TGDS: variants seen among roughly 807,000 people sequenced by gnomAD.
TGDS encodes UDP-D-glucose 4,6-dehydratase.
Under a neutral mutation model 52.3 loss-of-function variants are expected in TGDS, and 47 were observed. The observed-to-expected ratio is 0.90, with a 90% CI of 0.71 to 1.15. The LOEUF is 1.15. TGDS is among the 50% of genes most tolerant of loss of function. TGDS has a pLI of 0.00. For synonymous variants in TGDS, 115 were observed against 136.9 expected, an observed-to-expected ratio of 0.84 and a Z score of 1.12; for missense variants, 375 against 418.4, an observed-to-expected ratio of 0.90 and a Z score of 0.90.
At chr13:94,586,504 T>C (rs1888988072) in intron 4 of TGDS, among the ~76,000 whole-genome samples, 1 of 152,214 alleles carries the variant, frequency 6.6e-6, no homozygotes, top group Non-Finnish European at 1.5e-5. Flanking sequence ...ACCTAATGGA[T>C]GTGTAAAGAA....
At chr13:94,593,997 TACTC>T (rs1889291711) in intron 1 of TGDS, 90 bp from the exon 2 acceptor site, 3 of 739,228 alleles carry the variant, frequency 4.1e-6, no homozygotes, top group Admixed American at 2.8e-5. Context: ...ACTAGGAAAA[TACTC>T]AAAGATAACT....
intron 6 of TGDS, 130 bp downstream of exon 6, chr13:94,580,961 C>T (rs1594442875): frequency 1.8e-5 from 9 of 502,064 alleles, no homozygotes; most frequent in East Asian, 1.0e-4. Context: ...TGTCAGATTG[C>T]GACTGTCTCC....
intron 4 of TGDS, among the ~76,000 whole-genome samples, chr13:94,586,747 AATT>A (rs150046542): frequency 0.27 from 33,758 of 126,174 alleles, 4,636 homozygotes; most frequent in East Asian, 0.45. Flanking sequence ...GAAGAAATCA[AATT>A]ATTTTTTTTT....
At chr13:94,594,411 G>A (rs758635719) in intron 1 of TGDS, among the ~76,000 whole-genome samples, 1 of 152,112 alleles carries the variant, frequency 6.6e-6, no homozygotes, top group Non-Finnish European at 1.5e-5. Context: ...GAATCCTCAG[G>A]AGGCTTCTAG....
rs932770700 is a variant in TGDS, at chr13:94,577,023, C to T, written c.884+348G>A. Among the ~76,000 whole-genome samples the T allele has an allele frequency of 2.0e-5, 3 of 151,816 alleles. No individual in the cohort carries two copies. In the East Asian group the frequency reaches 5.8e-4, roughly 29 times the overall value. On this transcript the variant is annotated intron_variant, in intron 10 of 11. Transcript: ENST00000261296. ...GGCTGAGGCAGGAGAACTGCTTGAA[C>T]CTGGGAAGGCAGAGATTGCAGTGAG...
At chr13:94,577,860 A>T in intron 9 of TGDS, 145 bp downstream of exon 9, 1 of 785,718 alleles carries the variant, frequency 1.3e-6, no homozygotes, top group Non-Finnish European at 1.9e-6. Context: ...AACTTAATTT[A>T]AGACACATAT....
intron 1 of TGDS, 127 bp downstream of exon 1, chr13:94,595,924 G>A: frequency 9.6e-7 from 1 of 1,040,386 alleles, no homozygotes; most frequent in Non-Finnish European, 1.5e-6. Flanking sequence ...TCGTGCATTA[G>A]GACCCTCCCC....
chr13:94,581,006 A>G (rs1888768720), intron 6 of TGDS, 85 bp downstream of exon 6: 2 of 823,402 alleles, frequency 2.4e-6, no homozygotes, highest in Admixed American at 2.9e-5. Context: ...ATATTTTGAA[A>G]AAAAGAAAAA....
intron 9 of TGDS, among the ~76,000 whole-genome samples, chr13:94,577,736 C>T (rs984163701): frequency 6.6e-6 from 1 of 152,076 alleles, no homozygotes; most frequent in Non-Finnish European, 1.5e-5. Context: ...ATCACTGTTA[C>T]TTGTTTTAAG....
chr13:94,585,371 A>C (rs1437540141), intron 4 of TGDS, among the ~76,000 whole-genome samples: 1 of 152,192 alleles, frequency 6.6e-6, no homozygotes, highest in East Asian at 1.9e-4. Context: ...TTATGTAGAT[A>C]TTCCAGGTAT....
rs546630363 is a variant in TGDS, at chr13:94,578,441, T to C, written c.660-271A>G. 3.3e-5 allele frequency among the ~76,000 whole-genome samples: 5 copies of C among 152,340 alleles called. No individual in the cohort carries two copies. In the South Asian group the frequency reaches 1.0e-3, roughly 32 times the overall value. ...TTTTAAAGAAATATCTACAGTTCTA[T>C]GAATTAAATAAGTCCTTTGAGAAAG... is the stretch of plus-strand genomic sequence containing the variant. On this transcript the variant is annotated intron_variant, in intron 8 of 11. Coordinates refer to ENST00000261296, the MANE Select transcript of TGDS (RefSeq NM_014305.4).
chr13:94,596,214 G>T (rs1426418846), upstream of TGDS: 1 of 1,468,030 alleles, frequency 6.8e-7, no homozygotes, highest in Non-Finnish European at 9.3e-7. Context: ...GACCTTTTGC[G>T]ACGCGCCTCG....
At chr13:94,593,757 C>A (rs1277809358) in intron 2 of TGDS, 84 bp downstream of exon 2, 20 of 997,534 alleles carry the variant, frequency 2.0e-5, no homozygotes, top group Non-Finnish European at 3.1e-5. Flanking sequence ...ATTTAAATAT[C>A]AGCATGACAA....
intron 3 of TGDS, 28 bp from the exon 4 acceptor site, chr13:94,590,971 C>G (rs759786147): frequency 6.6e-7 from 1 of 1,516,164 alleles, no homozygotes; most frequent in Non-Finnish European, 8.9e-7. Context: ...CATGAAAGGG[C>G]CTAGGTTTCA....
Position 94,590,962 on chromosome 13 carries a change from A to G in TGDS, c.223-19T>C. 6.4e-7 allele frequency: 1 copy of G among 1,550,686 alleles called. No individual in the cohort carries two copies. The highest frequency in any genetic ancestry group is 8.7e-7 in the Non-Finnish European group (1 of 1,149,518). ...TGTCACCCTATATGAAAAAGCAAACATGAAAGGGCCTAGGTTTCATACAGC... is the reference window on the plus strand; with the variant it reads ...TGTCACCCTATATGAAAAAGCAAACGTGAAAGGGCCTAGGTTTCATACAGC... On this transcript the variant is annotated intron_variant, in intron 3 of 11. Transcript: ENST00000261296.
intron 4 of TGDS, among the ~76,000 whole-genome samples, chr13:94,587,626 A>G (rs568574601): frequency 6.6e-6 from 1 of 152,350 alleles, no homozygotes; most frequent in African/African-American, 2.4e-5. Context: ...ATCTAAATGT[A>G]AAAGGAAAAA....
intron 4 of TGDS, among the ~76,000 whole-genome samples, chr13:94,586,799 C>T (rs189278143): frequency 1.4e-4 from 20 of 140,988 alleles, no homozygotes; most frequent in Admixed American, 6.7e-4. Flanking sequence ...CATTCTATTG[C>T]CCGGGCTGGA....
chr13:94,580,673 A>C (rs1162993773), intron 6 of TGDS, among the ~76,000 whole-genome samples: 2 of 152,184 alleles, frequency 1.3e-5, no homozygotes, highest in Non-Finnish European at 2.9e-5. Context: ...CACTCTACCT[A>C]CTACTGAAAT....
intron 4 of TGDS, among the ~76,000 whole-genome samples, chr13:94,586,795 A>G (rs2139532464): frequency 8.6e-6 from 1 of 115,692 alleles, no homozygotes; most frequent in South Asian, 2.8e-4. Flanking sequence ...GTCTCATTCT[A>G]TTGCCCGGGC....
Sources: gnomAD v4.1 joint callset for allele counts (sites outside exome capture counted in the v4.1 genomes callset) on GRCh38, gnomAD v4.1.1 for gene constraint, MANE v1.5 for transcripts, NCBI Gene and HGNC (gene_info 2026-07-23, HGNC 2026-07-21) for gene names.